The following GALNTL6 variants were observed in gnomAD, a reference collection of about 807,000 sequenced individuals.
GALNTL6 encodes polypeptide N-acetylgalactosaminyltransferase-like 6.
In GALNTL6, 46 loss-of-function variants were observed where a neutral mutation model predicts 73.7. The observed-to-expected ratio is 0.62, with a 90% CI of 0.49 to 0.80. The LOEUF (loss-of-function observed/expected upper bound fraction) is 0.80, where lower values mean the gene tolerates loss of function less well. GALNTL6 is among the 30% of genes least tolerant of loss of function. The pLI is 0.00. For synonymous variants in GALNTL6, 259 were observed against 263.7 expected (o/e 0.98, Z 0.17); for missense variants, 604 against 755.0 (o/e 0.80, Z 2.34).
At position 172,564,684 on chromosome 4, in the gene GALNTL6, G is replaced by T. The variant is rs117951411; in HGVS notation, c.553+215995G>T. ...TATAGTTCTTGGTTTAAAGGGGAAA[G>T]ATAAAAACAAACTAATTGCATAGGA... On this transcript the variant is annotated intron_variant, in intron 5 of 12. Transcript: ENST00000506823. 6.4e-4 allele frequency among the ~76,000 whole-genome samples: 98 copies of T among 152,276 alleles called. 2 individuals are homozygous for T. The East Asian group carries it at 0.017, about 26-fold the overall frequency.
At chr4:172,934,620 C>T (rs1438247058) in intron 9 of GALNTL6, among the ~76,000 whole-genome samples, 4 of 150,822 alleles carry the variant, frequency 2.7e-5, no homozygotes, top group African/African-American at 9.7e-5. Flanking sequence ...TGAGTCAGCT[C>T]GGGGCCTATT....
chr4:172,182,303 G>A (rs1337051482), intron 2 of GALNTL6, among the ~76,000 whole-genome samples: 1 of 152,060 alleles, frequency 6.6e-6, no homozygotes, highest in Non-Finnish European at 1.5e-5. Context: ...ATGTGTCTTG[G>A]GAACGACTGT....
intron 10 of GALNTL6, among the ~76,000 whole-genome samples, chr4:172,993,420 T>C (rs1233615308): frequency 3.9e-5 from 6 of 152,232 alleles, no homozygotes; most frequent in South Asian, 2.1e-4. Flanking sequence ...TATTTTGTTA[T>C]AGCAGCTCTA....
At chr4:172,743,026 C>T (rs374122228) in intron 5 of GALNTL6, among the ~76,000 whole-genome samples, 9 of 152,002 alleles carry the variant, frequency 5.9e-5, no homozygotes, top group East Asian at 3.8e-4. Context: ...GGTGATTTGA[C>T]GTCCCATTGT....
intron 5 of GALNTL6, among the ~76,000 whole-genome samples, chr4:172,390,612 C>T (rs1743630443): frequency 6.6e-6 from 1 of 152,130 alleles, no homozygotes; most frequent in African/African-American, 2.4e-5. Flanking sequence ...GATAGAAAAG[C>T]ATAGTTTATA....
chr4:172,613,252 G>A (rs1256284745), intron 5 of GALNTL6, among the ~76,000 whole-genome samples: 1 of 152,036 alleles, frequency 6.6e-6, no homozygotes, highest in Admixed American at 6.6e-5. Context: ...GTAGGAAAAA[G>A]AACTAAGGAG....
intron 2 of GALNTL6, among the ~76,000 whole-genome samples, chr4:172,165,470 G>A (rs1734593464): frequency 6.6e-6 from 1 of 152,242 alleles, no homozygotes; most frequent in Non-Finnish European, 1.5e-5. Flanking sequence ...GTGTCTTTGG[G>A]AGAGAAACAC....
chr4:172,860,260 T>C (rs1023904026), intron 7 of GALNTL6, among the ~76,000 whole-genome samples: 2 of 152,222 alleles, frequency 1.3e-5, no homozygotes, highest in Admixed American at 6.5e-5. Context: ...CAAATACTTA[T>C]GATCTGCAGC....
At chr4:172,563,796 T>C (rs1233953496) in intron 5 of GALNTL6, among the ~76,000 whole-genome samples, 1 of 152,194 alleles carries the variant, frequency 6.6e-6, no homozygotes, top group Non-Finnish European at 1.5e-5. Context: ...TGGAATAATA[T>C]TGCAGATATT....
chr4:172,408,859 G>C (rs1210616762), intron 5 of GALNTL6, among the ~76,000 whole-genome samples: 1 of 151,978 alleles, frequency 6.6e-6, no homozygotes, highest in African/African-American at 2.4e-5. Flanking sequence ...CTCTCATCCA[G>C]AAGTGTATTT....
rs1739363680 is a variant in GALNTL6 at position 172,630,798 on chromosome 4, T to A, written c.554-178563T>A. ...TATAATTAGAGGGAACTTATCTTTCTGATTCCCTCTAATTATATAAAAACA... is the reference window on the plus strand; with the variant it reads ...TATAATTAGAGGGAACTTATCTTTCAGATTCCCTCTAATTATATAAAAACA... On this transcript the variant is annotated intron_variant, in intron 5 of 12. Transcript: ENST00000506823. Among the ~76,000 whole-genome samples the A allele has an allele frequency of 2.0e-5, 3 of 150,080 alleles. No individual in the cohort carries two copies. The South Asian group carries it at 6.3e-4, about 32-fold the overall frequency.
intron 2 of GALNTL6, among the ~76,000 whole-genome samples, chr4:171,858,270 A>C (rs370378323): frequency 6.6e-6 from 1 of 152,156 alleles, no homozygotes; most frequent in Non-Finnish European, 1.5e-5. Context: ...TAATAAAAAC[A>C]TATTATCATG....
At chr4:172,834,439 A>G (rs1208684435) in intron 7 of GALNTL6, among the ~76,000 whole-genome samples, 1 of 152,206 alleles carries the variant, frequency 6.6e-6, no homozygotes, top group Non-Finnish European at 1.5e-5. Flanking sequence ...TGGTTTGACC[A>G]CTCATGCCAC....
At chr4:171,926,665 G>T (rs1219220240) in intron 2 of GALNTL6, among the ~76,000 whole-genome samples, 8 of 152,038 alleles carry the variant, frequency 5.3e-5, no homozygotes, top group Non-Finnish European at 1.2e-4. Flanking sequence ...TGGATATGCA[G>T]GATATCATTT....
chr4:172,403,190 G>A (rs1357290998), intron 5 of GALNTL6, among the ~76,000 whole-genome samples: 1 of 151,878 alleles, frequency 6.6e-6, no homozygotes, highest in Non-Finnish European at 1.5e-5. Flanking sequence ...ATAATCAAAT[G>A]AACTTTCAAA....
chr4:172,951,378 CATGCTT>C (rs1254298380), intron 9 of GALNTL6, among the ~76,000 whole-genome samples: 1 of 152,220 alleles, frequency 6.6e-6, no homozygotes, highest in African/African-American at 2.4e-5. Flanking sequence ...ACCTAAGATC[CATGCTT>C]ATTCCCCACC....
At chr4:172,964,957 T>A (rs1750257876) in intron 10 of GALNTL6, among the ~76,000 whole-genome samples, 1 of 152,230 alleles carries the variant, frequency 6.6e-6, no homozygotes, top group Admixed American at 6.5e-5. Context: ...AGCTGCAAAG[T>A]GAGATTGTCC....
chr4:172,003,311 A>G (rs1055311567), intron 2 of GALNTL6, among the ~76,000 whole-genome samples: 1 of 152,160 alleles, frequency 6.6e-6, no homozygotes, highest in African/African-American at 2.4e-5. Context: ...CTGTATCTAA[A>G]TTTCTAGGAC....
chr4:172,123,774 C>T (rs1733218348), intron 2 of GALNTL6, among the ~76,000 whole-genome samples: 1 of 152,138 alleles, frequency 6.6e-6, no homozygotes, highest in Non-Finnish European at 1.5e-5. Context: ...GCTGGGATTA[C>T]AGGCATGAGC....
Sources: allele counts gnomAD v4.1 joint callset (sites outside exome capture counted in the v4.1 genomes callset), GRCh38; gene constraint gnomAD v4.1.1; transcripts MANE v1.5; gene names NCBI Gene and HGNC (gene_info 2026-07-23, HGNC 2026-07-21).